The following TRIM14 variants were observed in gnomAD, a reference collection of about 807,000 sequenced individuals.
The protein encoded by TRIM14 is tripartite motif-containing protein 14.
A neutral mutation model predicts 44.5 loss-of-function variants in TRIM14; 28 were observed. The observed-to-expected ratio is 0.63, with a 90% CI of 0.47 to 0.86. TRIM14 has a LOEUF of 0.86. Among genes scored for constraint, TRIM14 ranks in the 40% least tolerant of loss-of-function variants. The probability of loss-of-function intolerance (pLI) is 0.00; values close to 1 mark genes in which losing one functional copy is unlikely to be tolerated. For synonymous variants in TRIM14, 299 were observed against 269.2 expected, an observed-to-expected ratio of 1.11 and a Z score of -1.08; for missense variants, 607 against 611.1, an observed-to-expected ratio of 0.99 and a Z score of 0.07.
the TRIM14 span, among the ~76,000 whole-genome samples, chr9:98,036,785 C>T: frequency 6.6e-6 from 1 of 152,200 alleles, no homozygotes; most frequent in East Asian, 1.9e-4. Context: ...GCCTGGGCAA[C>T]AAGAGTGAAA....
chr9:98,055,025 T>C, the TRIM14 span, among the ~76,000 whole-genome samples: 1 of 152,106 alleles, frequency 6.6e-6, no homozygotes, highest in South Asian at 2.1e-4. Context: ...GGGTTTTTGT[T>C]TGTTTGTTTT....
intron 2 of TRIM14, 131 bp from the exon 3 acceptor site, chr9:98,100,295 T>C (rs1826342703): frequency 1.3e-6 from 1 of 743,164 alleles, no homozygotes; most frequent in Admixed American, 2.6e-5. Flanking sequence ...AAGATCAACT[T>C]ATAAAAACCA....
At chr9:98,094,520 C>T (rs545503133) in intron 4 of TRIM14, among the ~76,000 whole-genome samples, 4 of 152,208 alleles carry the variant, frequency 2.6e-5, no homozygotes, top group Admixed American at 6.5e-5. Context: ...CAGTCTGCCT[C>T]GAAGGGGTGC....
chr9:98,039,106 C>A, the TRIM14 span, among the ~76,000 whole-genome samples: 6 of 151,902 alleles, frequency 3.9e-5, no homozygotes, highest in Non-Finnish European at 8.8e-5. Flanking sequence ...GAGTAGCACA[C>A]CCGTATTTCA....
downstream of TRIM14, chr9:98,080,715 A>T: frequency 7.5e-7 from 1 of 1,337,048 alleles, no homozygotes; most frequent in Non-Finnish European, 1.0e-6. Flanking sequence ...CTGCACAGCT[A>T]GTGAGTGGCT....
rs1023236098 is a variant in TRIM14 at position 98,104,571 on chromosome 9, G to T, written c.304-4407C>A. Among the ~76,000 whole-genome samples the T allele has an allele frequency of 2.6e-5, 4 of 152,176 alleles. No homozygotes were observed. The South Asian group carries it at 6.2e-4, about 24-fold the overall frequency. On this transcript the variant is annotated intron_variant, in intron 2 of 5. Transcript: ENST00000341469. ...AGAGAGAGAGAGAAAGAGAGCAAGA[G>T]AATATCATGGTCATGAAATAAGGAA...
chr9:98,116,509 C>T (rs185334853), intron 1 of TRIM14, among the ~76,000 whole-genome samples: 1 of 152,086 alleles, frequency 6.6e-6, no homozygotes, highest in Non-Finnish European at 1.5e-5. Flanking sequence ...GATGGTGAAT[C>T]CTTGGTTTGG....
chr9:98,042,047 C>G, the TRIM14 span, among the ~76,000 whole-genome samples: 2 of 151,780 alleles, frequency 1.3e-5, no homozygotes, highest in African/African-American at 4.8e-5. Flanking sequence ...CTAATCCCAG[C>G]ACTTTGGGAG....
chr9:98,045,592 A>C, the TRIM14 span, among the ~76,000 whole-genome samples: 1 of 152,176 alleles, frequency 6.6e-6, no homozygotes, highest in Non-Finnish European at 1.5e-5. Context: ...TTCTTCCACC[A>C]CATGGCTGTG....
At chr9:98,114,520 G>A (rs1245724381) in intron 1 of TRIM14, among the ~76,000 whole-genome samples, 3 of 152,052 alleles carry the variant, frequency 2.0e-5, no homozygotes, top group Non-Finnish European at 4.4e-5. Context: ...ATTTTTAGTA[G>A]AGACAGGGTT....
In TRIM14 at chr9:98,086,816, ATT is replaced by A; in HGVS notation, c.*652_*653del. The stretch of plus-strand genomic sequence containing the variant: ...TTGAATGCTAAGGTGAGGCGCTTGT[ATT>A]TTTTTTTGTTATTTCATGGAAACTC... On this transcript the variant is annotated 3_prime_UTR_variant, in exon 6 of 6. Coordinates refer to ENST00000341469, the MANE Select transcript of TRIM14 (RefSeq NM_014788.4). The A allele has an allele frequency of 1.3e-5, 2 of 153,066 alleles. No individual in the cohort carries two copies. Among genetic ancestry groups the A allele is most frequent in the Non-Finnish European group, 2.9e-5 (2 of 69,096 alleles). The allele number at this position is 153,066 out of a possible 1,614,324, so 9.5% of individuals were successfully genotyped here. A position where few individuals can be genotyped will look rare whatever the true frequency, so the allele number is the denominator to read the frequency against.
intron 1 of TRIM14, among the ~76,000 whole-genome samples, chr9:98,118,284 G>A (rs985239217): frequency 6.6e-6 from 1 of 152,170 alleles, no homozygotes; most frequent in African/African-American, 2.4e-5. Flanking sequence ...TTATGCATGG[G>A]TAAGGGTTCC....
downstream of TRIM14, chr9:98,082,854 G>A: frequency 1.2e-6 from 2 of 1,614,138 alleles, no homozygotes; most frequent in Non-Finnish European, 8.5e-7. Context: ...AGCTGGGCAA[G>A]TCTGTGGTGG....
chr9:98,088,896 T>TAATGC (rs1825896779), intron 5 of TRIM14, among the ~76,000 whole-genome samples: 1 of 152,180 alleles, frequency 6.6e-6, no homozygotes, highest in Non-Finnish European at 1.5e-5. Context: ...TTACACCATG[T>TAATGC]ATGTACACAT....
At chr9:98,051,256 C>A in the TRIM14 span, among the ~76,000 whole-genome samples, 3 of 152,134 alleles carry the variant, frequency 2.0e-5, no homozygotes, top group African/African-American at 7.2e-5. Flanking sequence ...TCCAGGGTCC[C>A]CATAAACCAA....
chr9:98,051,779 G>A, the TRIM14 span, among the ~76,000 whole-genome samples: 3 of 151,970 alleles, frequency 2.0e-5, no homozygotes, highest in Non-Finnish European at 4.4e-5. Context: ...GAAGGGAAAT[G>A]CTACCAGAGA....
intron 1 of TRIM14, among the ~76,000 whole-genome samples, chr9:98,116,569 T>C (rs954213540): frequency 6.6e-6 from 1 of 151,644 alleles, no homozygotes; most frequent in Non-Finnish European, 1.5e-5. Context: ...AGGCGTGGTG[T>C]TTCACGCCTA....
chr9:98,112,396 CA>C (rs1352704652), intron 1 of TRIM14, among the ~76,000 whole-genome samples: 6 of 151,798 alleles, frequency 4.0e-5, no homozygotes, highest in Admixed American at 3.9e-4. Context: ...GGTAGAATGC[CA>C]AAATAAAAAG....
At chr9:98,083,028 T>A (rs933690453), downstream of TRIM14, 5 of 1,614,168 alleles carry the variant, frequency 3.1e-6, no homozygotes, top group Non-Finnish European at 4.2e-6. Context: ...AATTGGTAGA[T>A]AATCATGGCA....
Sources: allele counts gnomAD v4.1 joint callset (sites outside exome capture counted in the v4.1 genomes callset), GRCh38; gene constraint gnomAD v4.1.1; transcripts MANE v1.5; gene names NCBI Gene and HGNC (gene_info 2026-07-23, HGNC 2026-07-21).